SLC25A21: variants seen among roughly 807,000 people sequenced by gnomAD.
The protein encoded by SLC25A21 is solute carrier family 25 member 21, also known as mitochondrial 2-oxodicarboxylate carrier.
In SLC25A21, 47 loss-of-function variants were observed where a neutral mutation model predicts 43.8. That is an observed-to-expected ratio of 1.07 (90% confidence interval 0.85 to 1.37). The LOEUF is 1.37. SLC25A21 is among the 40% of genes most tolerant of loss of function. The pLI, the probability that SLC25A21 is intolerant of heterozygous loss-of-function variation, is 0.00. For synonymous variants in SLC25A21, 131 were observed against 121.3 expected, an observed-to-expected ratio of 1.08 and a Z score of -0.52; for missense variants, 352 against 350.2, an observed-to-expected ratio of 1.00 and a Z score of -0.04.
At chr14:36,764,227 A>T (rs1886314637) in intron 3 of SLC25A21, among the ~76,000 whole-genome samples, 1 of 150,752 alleles carries the variant, frequency 6.6e-6, no homozygotes, top group African/African-American at 2.4e-5. Context: ...CCAGGACAAA[A>T]CTCATCTCAA....
intron 3 of SLC25A21, among the ~76,000 whole-genome samples, chr14:36,769,239 T>A (rs1270369232): frequency 6.6e-6 from 1 of 152,242 alleles, no homozygotes; most frequent in African/African-American, 2.4e-5. Flanking sequence ...TAGTTTTCTA[T>A]CGTGGTGCTT....
At chr14:36,731,299 A>C (rs1351155907) in intron 4 of SLC25A21, among the ~76,000 whole-genome samples, 1 of 152,130 alleles carries the variant, frequency 6.6e-6, no homozygotes, top group African/African-American at 2.4e-5. Context: ...TTTTATGATT[A>C]TCATCATCAT....
intron 1 of SLC25A21, among the ~76,000 whole-genome samples, chr14:37,024,865 G>A (rs1473229627): frequency 1.3e-5 from 2 of 151,914 alleles, no homozygotes; most frequent in East Asian, 1.9e-4. Context: ...AGAAAAAAAG[G>A]TTTTTATTGT....
At chr14:36,863,722 T>C (rs1001246079) in intron 2 of SLC25A21, among the ~76,000 whole-genome samples, 1 of 152,170 alleles carries the variant, frequency 6.6e-6, no homozygotes, top group African/African-American at 2.4e-5. Flanking sequence ...GGGGACCAAT[T>C]TTTTCCTCAA....
chr14:37,155,495 C>G (rs1594821904), intron 1 of SLC25A21, among the ~76,000 whole-genome samples: 1 of 152,116 alleles, frequency 6.6e-6, no homozygotes, highest in Non-Finnish European at 1.5e-5. Flanking sequence ...TATAATCAGA[C>G]TGTCTAAAGT....
chr14:37,157,965 G>C (rs1963878244), intron 1 of SLC25A21, among the ~76,000 whole-genome samples: 1 of 152,064 alleles, frequency 6.6e-6, no homozygotes, highest in East Asian at 1.9e-4. Flanking sequence ...ACTAAATGGT[G>C]ACAAATTGGA....
At chr14:37,098,617 T>C (rs1213386937) in intron 1 of SLC25A21, 1 of 152,256 alleles carries the variant, frequency 6.6e-6, no homozygotes. Flanking sequence ...TTCTGAATTG[T>C]ATAGTTCACA....
chr14:37,008,727 T>C (rs1205294008), intron 1 of SLC25A21, among the ~76,000 whole-genome samples: 1 of 152,106 alleles, frequency 6.6e-6, no homozygotes, highest in Non-Finnish European at 1.5e-5. Context: ...GACGCTTTGA[T>C]TAAATGCTGA....
intron 3 of SLC25A21, among the ~76,000 whole-genome samples, chr14:36,746,189 C>A (rs1885489369): frequency 6.6e-6 from 1 of 152,098 alleles, no homozygotes; most frequent in South Asian, 2.1e-4. Context: ...ATAGCAAAGT[C>A]ATGGAATCAA....
chr14:36,924,261 G>T (rs536846234), intron 1 of SLC25A21, among the ~76,000 whole-genome samples: 1 of 152,246 alleles, frequency 6.6e-6, no homozygotes, highest in African/African-American at 2.4e-5. Flanking sequence ...CAATAGCAAA[G>T]ACTTGGAACC....
intron 1 of SLC25A21, among the ~76,000 whole-genome samples, chr14:37,112,974 C>T (rs17106328): frequency 0.02 from 3,117 of 152,054 alleles, 119 homozygotes; most frequent in Admixed American, 0.09. Flanking sequence ...AAAAAAAAAT[C>T]GGAATAGATG....
At chr14:36,712,652 T>A (rs1437366062) in intron 6 of SLC25A21, among the ~76,000 whole-genome samples, 2 of 152,216 alleles carry the variant, frequency 1.3e-5, no homozygotes, top group African/African-American at 4.8e-5. Flanking sequence ...GCTACAATTC[T>A]ACACTCAACT....
At chr14:36,912,423 G>T (rs186560211) in intron 1 of SLC25A21, among the ~76,000 whole-genome samples, 1 of 152,238 alleles carries the variant, frequency 6.6e-6, no homozygotes, top group African/African-American at 2.4e-5. Flanking sequence ...GTCTGCCCCT[G>T]CCCTCATTCT....
At chr14:36,817,064 A>G (rs1435653352) in intron 2 of SLC25A21, among the ~76,000 whole-genome samples, 2 of 152,170 alleles carry the variant, frequency 1.3e-5, no homozygotes, top group Admixed American at 1.3e-4. Context: ...GCTTTAATTA[A>G]GTTCATTTAT....
At chr14:36,766,745 T>TA (rs1886430512) in intron 3 of SLC25A21, among the ~76,000 whole-genome samples, 1 of 152,250 alleles carries the variant, frequency 6.6e-6, no homozygotes, top group African/African-American at 2.4e-5. Context: ...GGTCAGGCCT[T>TA]AGAGTCGCCC....
At chr14:36,827,216 C>G (rs1276362586) in intron 2 of SLC25A21, among the ~76,000 whole-genome samples, 1 of 152,104 alleles carries the variant, frequency 6.6e-6, no homozygotes, top group Non-Finnish European at 1.5e-5. Flanking sequence ...GACAATTTGA[C>G]AAAAGTATGA....
At chr14:37,025,887 A>C (rs1961082302) in intron 1 of SLC25A21, among the ~76,000 whole-genome samples, 1 of 152,036 alleles carries the variant, frequency 6.6e-6, no homozygotes, top group South Asian at 2.1e-4. Context: ...TCAGTGCATA[A>C]ATTTAAATTG....
chr14:37,079,827 G>A (rs1005460182), intron 1 of SLC25A21, among the ~76,000 whole-genome samples: 6 of 152,132 alleles, frequency 3.9e-5, no homozygotes, highest in Admixed American at 2.6e-4. Context: ...GAAGGTTTGT[G>A]TCCCCGCCAA....
chr14:37,071,118 T>C (rs552501935), intron 1 of SLC25A21, among the ~76,000 whole-genome samples: 8 of 152,340 alleles, frequency 5.3e-5, no homozygotes, highest in Non-Finnish European at 1.0e-4. Context: ...TGATTAGCCA[T>C]TTGTAAAATA....
Sources: gnomAD v4.1 joint callset for allele counts (sites outside exome capture counted in the v4.1 genomes callset) on GRCh38, gnomAD v4.1.1 for gene constraint, MANE v1.5 for transcripts, NCBI Gene and HGNC (gene_info 2026-07-23, HGNC 2026-07-21) for gene names.